Variants in CD9 observed in about 807,000 individuals in gnomAD.
CD9 encodes the protein CD9 antigen.
CD9 carries 10 observed loss-of-function variants against 31.4 expected under a neutral mutation model. The observed-to-expected ratio is 0.32, with a 90% CI of 0.20 to 0.54. The LOEUF (loss-of-function observed/expected upper bound fraction) is 0.54. Among genes scored for constraint, CD9 ranks in the 20% least tolerant of loss-of-function variants. The pLI, the probability that CD9 is intolerant of heterozygous loss-of-function variation, is 0.94. For synonymous variants in CD9, 113 were observed against 114.1 expected (o/e 0.99, Z 0.06); for missense variants, 259 against 300.1 (o/e 0.86, Z 1.01).
At chr12:6,236,098 C>G in intron 6 of CD9, 94 bp from the exon 7 acceptor site, 1 of 1,561,214 alleles carries the variant, frequency 6.4e-7, no homozygotes, top group Non-Finnish European at 8.7e-7. Flanking sequence ...CTCTGCCCAC[C>G]AGTTCTCCCG....
At chr12:6,231,185 G>A (rs1013586601) in intron 2 of CD9, among the ~76,000 whole-genome samples, 1 of 152,198 alleles carries the variant, frequency 6.6e-6, no homozygotes, top group Non-Finnish European at 1.5e-5. Flanking sequence ...TAGGGATACA[G>A]CAGCAGGTTA....
intron 1 of CD9, among the ~76,000 whole-genome samples, chr12:6,215,490 T>A (rs182732469): frequency 6.6e-6 from 1 of 152,316 alleles, no homozygotes; most frequent in East Asian, 1.9e-4. Context: ...CATGTCCAGG[T>A]TCCTGGGTCA....
intron 1 of CD9, among the ~76,000 whole-genome samples, chr12:6,214,598 C>G (rs541572617): frequency 4.6e-5 from 7 of 152,108 alleles, no homozygotes; most frequent in Non-Finnish European, 7.4e-5. Context: ...TTCCGCCCCC[C>G]TCTCAGCCTC....
In CD9 at chr12:6,237,733, C is replaced by T. The variant is rs1056361459; in HGVS notation, c.622-30C>T. The stretch of plus-strand genomic sequence containing the variant: ...CAGCCTTCCTTCAGATCAAACCACC[C>T]TGATCCTCATGTTTCTTCCTATCTC... On this transcript the variant is annotated intron_variant, in intron 7 of 7. Transcript: ENST00000009180. The T allele has an allele frequency of 1.9e-6, 3 of 1,569,340 alleles. No individual in the cohort carries two copies. The South Asian group carries it at 3.3e-5, about 17-fold the overall frequency.
At chr12:6,227,102 AT>A (rs1207021876) in intron 2 of CD9, among the ~76,000 whole-genome samples, 1 of 152,202 alleles carries the variant, frequency 6.6e-6, no homozygotes, top group Non-Finnish European at 1.5e-5. Flanking sequence ...CAAAGCCTCT[AT>A]GGCTGATTCT....
At chr12:6,227,238 G>T (rs1946380773) in intron 2 of CD9, among the ~76,000 whole-genome samples, 1 of 150,016 alleles carries the variant, frequency 6.7e-6, no homozygotes, top group Non-Finnish European at 1.5e-5. Flanking sequence ...CAATCTTGTT[G>T]CCCAGGCTGG....
At chr12:6,231,684 G>A (rs1260743307) in intron 2 of CD9, among the ~76,000 whole-genome samples, 1 of 152,200 alleles carries the variant, frequency 6.6e-6, no homozygotes, top group Non-Finnish European at 1.5e-5. Flanking sequence ...TTGGGCAAAA[G>A]TTATAGAAGT....
intron 2 of CD9, among the ~76,000 whole-genome samples, chr12:6,231,069 A>C (rs1946439826): frequency 6.6e-6 from 1 of 152,098 alleles, no homozygotes; most frequent in African/African-American, 2.4e-5. Flanking sequence ...GTTCTCATCG[A>C]GTGTCCTGCT....
At chr12:6,204,514 C>G (rs1946109498) in intron 1 of CD9, among the ~76,000 whole-genome samples, 1 of 152,198 alleles carries the variant, frequency 6.6e-6, no homozygotes, top group African/African-American at 2.4e-5. Flanking sequence ...CTTTTCTTTG[C>G]TGTTGCTTCT....
intron 1 of CD9, among the ~76,000 whole-genome samples, chr12:6,204,738 A>C (rs1482850929): frequency 6.6e-6 from 1 of 152,218 alleles, no homozygotes; most frequent in East Asian, 1.9e-4. Flanking sequence ...CATATCTTCC[A>C]ACAGTAGCTA....
intron 1 of CD9, among the ~76,000 whole-genome samples, chr12:6,203,890 A>G (rs780167295): frequency 2.6e-5 from 4 of 152,124 alleles, no homozygotes; most frequent in Non-Finnish European, 5.9e-5. Context: ...GTTTGGCTAT[A>G]CTGACAGAGC....
At chr12:6,200,341 G>A (rs1272943581), upstream of CD9, 3 of 425,310 alleles carry the variant, frequency 7.1e-6, no homozygotes, top group Non-Finnish European at 1.3e-5. Flanking sequence ...GCGCACCGCA[G>A]CGGGTCGCGC....
rs116975912 is a variant in CD9, at chr12:6,215,957, T to A, written c.67-9469T>A. ...TAAGGGAGCACCCCAAAGCCTCTAG[T>A]CCTGCCCAAGTGGCTTTGCCCTTCC... On this transcript the variant is annotated intron_variant, in intron 1 of 7. Transcript: ENST00000009180. Among the ~76,000 whole-genome samples the A allele has an allele frequency of 4.0e-3, 611 of 152,296 alleles. 20 individuals are homozygous for A. The East Asian group carries it at 0.082, about 21-fold the overall frequency.
chr12:6,210,283 G>A (rs904417539), intron 1 of CD9, among the ~76,000 whole-genome samples: 1 of 152,214 alleles, frequency 6.6e-6, no homozygotes, highest in African/African-American at 2.4e-5. Context: ...TGGACACAAT[G>A]CCAATGGGCA....
chr12:6,215,536 T>C (rs561980149), intron 1 of CD9, among the ~76,000 whole-genome samples: 2 of 152,326 alleles, frequency 1.3e-5, no homozygotes, highest in South Asian at 2.1e-4. Context: ...CGAGAGCTGC[T>C]GGACTGGCAT....
At chr12:6,200,638 CGCG>C in intron 1 of CD9, 73 bp downstream of exon 1, 1 of 1,036,344 alleles carries the variant, frequency 9.6e-7, no homozygotes, top group Non-Finnish European at 1.5e-6. Flanking sequence ...TGGCCGCGGC[CGCG>C]AGTGCCGGCA....
intron 1 of CD9, among the ~76,000 whole-genome samples, chr12:6,201,362 C>T (rs981956686): frequency 2.6e-5 from 4 of 152,244 alleles, no homozygotes; most frequent in African/African-American, 9.6e-5. Context: ...GGGATGAGTC[C>T]TGTGTGTGCA....
chr12:6,227,775 C>T (rs985242542), intron 2 of CD9, among the ~76,000 whole-genome samples: 1 of 152,220 alleles, frequency 6.6e-6, no homozygotes, highest in African/African-American at 2.4e-5. Context: ...GAGGTCTGTA[C>T]TGGCTGAATG....
intron 1 of CD9, among the ~76,000 whole-genome samples, chr12:6,203,825 T>C (rs886773530): frequency 6.6e-6 from 1 of 152,200 alleles, no homozygotes; most frequent in African/African-American, 2.4e-5. Flanking sequence ...CATGCATGTC[T>C]GCCCTCTTTC....
Sources: gnomAD v4.1 joint callset for allele counts (sites outside exome capture counted in the v4.1 genomes callset) on GRCh38, gnomAD v4.1.1 for gene constraint, MANE v1.5 for transcripts, NCBI Gene and HGNC (gene_info 2026-07-23, HGNC 2026-07-21) for gene names.